CABIN1: variants seen among roughly 807,000 people sequenced by gnomAD.
The protein encoded by CABIN1 is calcineurin binding protein 1, also known as calcineurin-binding protein cabin-1.
CABIN1 carries 133 observed loss-of-function variants against 227.7 expected under a neutral mutation model. The ratio of observed to expected loss-of-function variants is 0.58; its 90% confidence interval spans 0.51 to 0.67. The LOEUF (loss-of-function observed/expected upper bound fraction) is 0.67. Among genes scored for constraint, CABIN1 ranks in the 30% least tolerant of loss-of-function variants. The probability of loss-of-function intolerance (pLI) is 0.00; values close to 1 mark genes in which losing one functional copy is unlikely to be tolerated. For synonymous variants in CABIN1, 1,086 were observed against 1,155.1 expected (o/e 0.94, Z 1.21); for missense variants, 2,408 against 2,852.5 (o/e 0.84, Z 3.55).
Position 24,038,279 on chromosome 22 carries a change from C to A in CABIN1, c.97-69C>A, listed in dbSNP as rs2037079850. 5 of 1,244,680 alleles carry A rather than the reference C, an allele frequency of 4.0e-6. No homozygotes were observed. The Admixed American group carries it at 6.7e-5, about 17-fold the overall frequency. The allele number at this position is 1,244,680 out of a possible 1,614,324, so 77.1% of individuals were successfully genotyped here. A position where few individuals can be genotyped will look rare whatever the true frequency, so the allele number is the denominator to read the frequency against. ...TTCCTCTGACTGTAGCCCCGCCTTACACACATTTTTGGCTTAAAAAAGACA... is the reference window on the plus strand; with the variant it reads ...TTCCTCTGACTGTAGCCCCGCCTTAAACACATTTTTGGCTTAAAAAAGACA... On this transcript the variant is annotated intron_variant, in intron 3 of 36. Transcript: ENST00000263119.
chr22:24,151,082 T>C (rs189322136), intron 29 of CABIN1, among the ~76,000 whole-genome samples: 4 of 152,304 alleles, frequency 2.6e-5, no homozygotes, highest in African/African-American at 9.6e-5. Context: ...TAGTGGGATG[T>C]GAGCCTACTT....
chr22:24,126,278 A>G (rs2043717315), intron 28 of CABIN1, among the ~76,000 whole-genome samples: 1 of 152,202 alleles, frequency 6.6e-6, no homozygotes, highest in African/African-American at 2.4e-5. Context: ...ATGAGTAGGA[A>G]GAAAAACAAA....
chr22:24,097,912 G>A lies in CABIN1; in HGVS notation c.3939-102G>A, dbSNP rs775146978. 414 of 1,461,618 alleles carry A rather than the reference G, an allele frequency of 2.8e-4. 2 individuals are homozygous for A. The Middle Eastern group carries it at 3.9e-3, about 14-fold the overall frequency. The allele number at this position is 1,461,618 out of a possible 1,614,324, so 90.5% of individuals were successfully genotyped here. A position where few individuals can be genotyped will look rare whatever the true frequency, so the allele number is the denominator to read the frequency against. ...GGGTGGGGGCCACCAGAGGTGCATG[G>A]GAGCAGTGGGCCCTGGGAAGGGCAT... On this transcript the variant is annotated intron_variant, in intron 25 of 36. Transcript: ENST00000263119.
chr22:24,095,492 C>CTGGGCTA (rs2041836409), intron 24 of CABIN1, among the ~76,000 whole-genome samples: 1 of 116,494 alleles, frequency 8.6e-6, no homozygotes, highest in Admixed American at 1.2e-4. Context: ...TGCCTGGGGG[C>CTGGGCTA]TGGGCTATAA....
intron 28 of CABIN1, among the ~76,000 whole-genome samples, chr22:24,130,334 A>G (rs577598924): frequency 1.2e-4 from 19 of 152,272 alleles, no homozygotes; most frequent in African/African-American, 3.9e-4. Context: ...CCTATAGTGG[A>G]TAGGTCAGGG....
chr22:24,126,670 A>G (rs1382315234), intron 28 of CABIN1, among the ~76,000 whole-genome samples: 2 of 152,118 alleles, frequency 1.3e-5, no homozygotes, highest in Non-Finnish European at 2.9e-5. Context: ...TTGGCAGGGG[A>G]GGATTTGAGG....
At chr22:24,163,726 C>T (rs1037103194) in intron 29 of CABIN1, among the ~76,000 whole-genome samples, 1 of 152,240 alleles carries the variant, frequency 6.6e-6, no homozygotes, top group African/African-American at 2.4e-5. Flanking sequence ...CACTAGGACA[C>T]TGCAGGGAAC....
rs184467721 is a variant in CABIN1, at chr22:24,085,318, C to T, written c.3263+167C>T. 1.0e-3 allele frequency among the ~76,000 whole-genome samples: 155 copies of T among 152,308 alleles called. 1 individual carries two copies. Among genetic ancestry groups the T allele is most frequent in the African/African-American group, 3.5e-3 (147 of 41,556 alleles). On this transcript the variant is annotated intron_variant, in intron 22 of 36. Transcript: ENST00000263119. ...AGCACTTTGCTGTTGTTAGGAAAGG[C>T]AGGTTTTCCATAAAAAGAAGAGCAG...
rs2037407237 is a variant in CABIN1 at position 24,041,957 on chromosome 22, T to A, written c.345+684T>A. ...TGAATCCCATAAGACTCTCATTTTT[T>A]CAAATTGTTTTAAAGACAGGGTCTC... On this transcript the variant is annotated intron_variant, in intron 5 of 36. Coordinates refer to ENST00000263119, the MANE Select transcript of CABIN1 (RefSeq NM_012295.4). Among the ~76,000 whole-genome samples the A allele has an allele frequency of 2.6e-5, 4 of 152,336 alleles. No individual in the cohort carries two copies. In the South Asian group the frequency reaches 8.3e-4, roughly 32 times the overall value.
chr22:24,133,762 C>A (rs1263197936), intron 28 of CABIN1, among the ~76,000 whole-genome samples: 1 of 152,154 alleles, frequency 6.6e-6, no homozygotes, highest in Non-Finnish European at 1.5e-5. Flanking sequence ...AAGGCAGAGG[C>A]AGCCAGGCCC....
At chr22:24,012,079 A>G (rs1287062334) in intron 1 of CABIN1, among the ~76,000 whole-genome samples, 1 of 152,192 alleles carries the variant, frequency 6.6e-6, no homozygotes, top group Non-Finnish European at 1.5e-5. Flanking sequence ...GCGGTCGGCA[A>G]ACTTTTGTTG....
chr22:24,063,461 T>C (rs1234389502), intron 14 of CABIN1, among the ~76,000 whole-genome samples: 3 of 152,306 alleles, frequency 2.0e-5, no homozygotes, highest in Middle Eastern at 3.4e-3. Context: ...CTTGACTCTT[T>C]GCTTATGTTT....
At chr22:24,048,005 T>C (rs1280387777) in intron 6 of CABIN1, among the ~76,000 whole-genome samples, 1 of 152,268 alleles carries the variant, frequency 6.6e-6, no homozygotes, top group Non-Finnish European at 1.5e-5. Context: ...TGTGAATCCA[T>C]GCCATCCCAT....
chr22:24,176,005 C>T, intron 34 of CABIN1, 106 bp from the exon 35 acceptor site: 1 of 1,323,840 alleles, frequency 7.6e-7, no homozygotes, highest in Non-Finnish European at 1.1e-6. Context: ...CACTCCCCTG[C>T]CCAGTGTCCC....
chr22:24,065,776 C>T (rs932356586), intron 15 of CABIN1, among the ~76,000 whole-genome samples: 7 of 152,256 alleles, frequency 4.6e-5, no homozygotes, highest in Non-Finnish European at 2.9e-5. Context: ...CCGAGGCTGG[C>T]GGATCACTCG....
At chr22:24,107,155 G>T (rs1158372053) in intron 26 of CABIN1, among the ~76,000 whole-genome samples, 1 of 152,112 alleles carries the variant, frequency 6.6e-6, no homozygotes, top group Non-Finnish European at 1.5e-5. Context: ...TCTCATCTCT[G>T]TGTACATAGC....
intron 34 of CABIN1, 57 bp from the exon 35 acceptor site, chr22:24,176,054 G>A (rs1053612690): frequency 1.3e-5 from 20 of 1,567,940 alleles, no homozygotes; most frequent in African/African-American, 8.1e-5. Flanking sequence ...ACACAGATGC[G>A]TTGGAGCCTG....
At chr22:24,168,259 G>A (rs890255372) in intron 32 of CABIN1, among the ~76,000 whole-genome samples, 188 bp from the exon 33 acceptor site, 2 of 152,256 alleles carry the variant, frequency 1.3e-5, no homozygotes, top group African/African-American at 2.4e-5. Context: ...GAGCTGGGAC[G>A]TAGGGGTCTA....
chr22:24,152,960 A>G (rs1476272203), intron 29 of CABIN1, among the ~76,000 whole-genome samples: 1 of 150,836 alleles, frequency 6.6e-6, no homozygotes, highest in African/African-American at 2.4e-5. Flanking sequence ...GAAAGGAGCC[A>G]GGAGAAATCT....
Sources: allele counts gnomAD v4.1 joint callset (sites outside exome capture counted in the v4.1 genomes callset), GRCh38; gene constraint gnomAD v4.1.1; transcripts MANE v1.5; gene names NCBI Gene and HGNC (gene_info 2026-07-23, HGNC 2026-07-21).